The following CEP112 variants were observed in gnomAD, a reference collection of about 807,000 sequenced individuals.
The protein encoded by CEP112 is centrosomal protein 112.
A neutral mutation model predicts 153.0 loss-of-function variants in CEP112; 127 were observed. The ratio of observed to expected loss-of-function variants is 0.83; its 90% CI spans 0.72 to 0.96. The LOEUF is 0.96. Among genes scored for constraint, CEP112 ranks in the 40% least tolerant of loss-of-function variants. CEP112 has a pLI of 0.00. For missense variants in CEP112, 1,089 were observed against 1,101.2 expected, an observed-to-expected ratio of 0.99 and a Z score of 0.16; for synonymous variants, 358 against 374.4, an observed-to-expected ratio of 0.96 and a Z score of 0.51.
rs869059954 is a variant in CEP112 at position 65,821,540 on chromosome 17, ATTTTTTTTTTTTTTTTT to A, written c.2394+30247_2394+30263del. 1.1e-3 allele frequency among the ~76,000 whole-genome samples: 37 copies of A among 33,634 alleles called. 1 individual carries two copies. The highest frequency in any genetic ancestry group is 5.8e-3 in the South Asian group (4 of 688). 22.1% of individuals were successfully genotyped at this position (33,634 alleles called of 152,430 possible). ...TATATATATATATATATATATATATATTTTTTTTTTTTTTTTTTTTTTTTTTTCTGAGACGGAGTCTT... is the reference window on the plus strand; with the variant it reads ...TATATATATATATATATATATATATATTTTTTTTTTCTGAGACGGAGTCTT... On this transcript the variant is annotated intron_variant, in intron 21 of 26. Coordinates refer to ENST00000535342, the MANE Select transcript of CEP112 (RefSeq NM_001199165.4).
chr17:66,173,924 T>C (rs1413833721), intron 4 of CEP112, among the ~76,000 whole-genome samples: 1 of 152,116 alleles, frequency 6.6e-6, no homozygotes, highest in African/African-American at 2.4e-5. Context: ...CTCACTTTTA[T>C]TTATCTTTTT....
At chr17:65,736,684 C>T (rs2050822330) in intron 23 of CEP112, among the ~76,000 whole-genome samples, 1 of 152,154 alleles carries the variant, frequency 6.6e-6, no homozygotes, top group South Asian at 2.1e-4. Flanking sequence ...TTTTTAGAGG[C>T]TAGTCATGTG....
intron 25 of CEP112, among the ~76,000 whole-genome samples, chr17:65,639,710 G>A (rs1450420265): frequency 6.7e-6 from 1 of 150,084 alleles, no homozygotes; most frequent in African/African-American, 2.4e-5. Context: ...AAATCAAAGT[G>A]TATTGGAGAT....
Position 66,011,532 on chromosome 17 carries a change from C to A in CEP112, c.1657-5763G>T, listed in dbSNP as rs183767902. On this transcript the variant is annotated intron_variant, in intron 16 of 26. Transcript: ENST00000535342. ...TTCCATGTAATTATATGGCTGTCAG[C>A]GATTTTCTTAGTATTAATTTCTATT... is the stretch of plus-strand genomic sequence containing the variant. Among the ~76,000 whole-genome samples, 509 of 152,080 alleles carry A rather than the reference C, an allele frequency of 3.3e-3. 2 individuals are homozygous for A. The highest frequency in any genetic ancestry group is 0.01 in the Middle Eastern group (3 of 294).
intron 21 of CEP112, among the ~76,000 whole-genome samples, chr17:65,756,332 G>C (rs1454733136): frequency 1.3e-5 from 2 of 150,968 alleles, no homozygotes; most frequent in African/African-American, 4.9e-5. Context: ...CTGGAACCTG[G>C]GAAGTGGAGG....
intron 17 of CEP112, among the ~76,000 whole-genome samples, chr17:65,988,951 G>A (rs1021030336): frequency 3.9e-5 from 6 of 152,064 alleles, no homozygotes; most frequent in African/African-American, 7.2e-5. Flanking sequence ...AGGGCCAGAC[G>A]TGGTGGCTCA....
chr17:66,014,339 A>G lies in CEP112; in HGVS notation c.1657-8570T>C, dbSNP rs572876272. Among the ~76,000 whole-genome samples the G allele has an allele frequency of 8.5e-5, 13 of 152,266 alleles. No homozygotes were observed. In the East Asian group the frequency reaches 2.3e-3, roughly 27 times the overall value. ...ATCCTGGTTGAGCATCTGAGTCTGC[A>G]CTGTAAGCAGGCAAAGCCAGGCTAT... On this transcript the variant is annotated intron_variant, in intron 16 of 26. Coordinates refer to ENST00000535342, the MANE Select transcript of CEP112 (RefSeq NM_001199165.4).
intron 12 of CEP112, among the ~76,000 whole-genome samples, chr17:66,030,661 A>G (rs1235809016): frequency 3.9e-5 from 6 of 152,078 alleles, no homozygotes; most frequent in South Asian, 2.1e-4. Context: ...TCATTTCTCT[A>G]TTATTTAATA....
intron 17 of CEP112, among the ~76,000 whole-genome samples, chr17:65,969,992 T>TAC (rs1167449358): frequency 6.6e-6 from 1 of 152,198 alleles, no homozygotes; most frequent in Non-Finnish European, 1.5e-5. Context: ...ACACGCATGT[T>TAC]ACACACATAT....
chr17:65,724,994 CCTCCTA>C (rs934521658), intron 23 of CEP112, among the ~76,000 whole-genome samples: 32 of 152,316 alleles, frequency 2.1e-4, no homozygotes, highest in African/African-American at 7.0e-4. Context: ...CCAAATACCT[CCTCCTA>C]CTCCTTCAAG....
intron 23 of CEP112, among the ~76,000 whole-genome samples, chr17:65,734,056 G>A (rs1207190397): frequency 6.6e-6 from 1 of 152,178 alleles, no homozygotes; most frequent in Non-Finnish European, 1.5e-5. Context: ...AGACTGTGCT[G>A]TCCCAGGACC....
At position 65,927,692 on chromosome 17, in the gene CEP112, A is replaced by G. The variant is rs189061745; in HGVS notation, c.1873-3T>C. Reference sequence around the variant, plus strand: ...AGATCTGCCTCCACTTTTTCCATCTATAAAATTTAAAAATCAAATATTAAT... The same window carrying G: ...AGATCTGCCTCCACTTTTTCCATCTGTAAAATTTAAAAATCAAATATTAAT... On this transcript the variant is annotated splice_polypyrimidine_tract_variant and splice_region_variant and intron_variant, in intron 18 of 26. Transcript: ENST00000535342. 688 of 1,516,384 alleles carry G rather than the reference A, an allele frequency of 4.5e-4. 11 individuals carry two copies. In the South Asian group the frequency reaches 8.5e-3, roughly 19 times the overall value. 93.9% of individuals were successfully genotyped at this position (1,516,384 alleles called of 1,614,324 possible).
chr17:65,883,498 T>A (rs2059161483), intron 20 of CEP112, among the ~76,000 whole-genome samples: 1 of 152,054 alleles, frequency 6.6e-6, no homozygotes, highest in Non-Finnish European at 1.5e-5. Flanking sequence ...GTAGCTGGGA[T>A]TACAGGCATC....
At chr17:65,672,210 G>C (rs1313625426) in intron 24 of CEP112, among the ~76,000 whole-genome samples, 2 of 152,162 alleles carry the variant, frequency 1.3e-5, no homozygotes, top group Admixed American at 1.3e-4. Flanking sequence ...AATAAGAAAT[G>C]TACAACACAT....
chr17:65,904,893 T>C (rs2143643494), intron 19 of CEP112, among the ~76,000 whole-genome samples: 1 of 152,346 alleles, frequency 6.6e-6, no homozygotes. Flanking sequence ...GAAAACTGGC[T>C]AGCCATATGC....
At chr17:66,008,234 A>G (rs1159242017) in intron 16 of CEP112, among the ~76,000 whole-genome samples, 5 of 152,094 alleles carry the variant, frequency 3.3e-5, no homozygotes, top group Non-Finnish European at 7.3e-5. Context: ...TTCATATCAT[A>G]CATATACTTA....
intron 6 of CEP112, among the ~76,000 whole-genome samples, chr17:66,108,847 A>C (rs2068895036): frequency 6.6e-6 from 1 of 152,200 alleles, no homozygotes; most frequent in Non-Finnish European, 1.5e-5. Context: ...ACAATAGTGA[A>C]GATCTGGAAG....
chr17:65,974,199 C>A (rs2062950303), intron 17 of CEP112, among the ~76,000 whole-genome samples: 1 of 152,062 alleles, frequency 6.6e-6, no homozygotes, highest in South Asian at 2.1e-4. Flanking sequence ...ACTTCAACCC[C>A]CCAAGTGGCT....
intron 21 of CEP112, among the ~76,000 whole-genome samples, chr17:65,765,343 G>A (rs1170447600): frequency 6.6e-6 from 1 of 151,698 alleles, no homozygotes; most frequent in Admixed American, 6.6e-5. Context: ...TTCTTTGGTG[G>A]TGTCATATTT....
Sources: allele counts gnomAD v4.1 joint callset (sites outside exome capture counted in the v4.1 genomes callset), GRCh38; gene constraint gnomAD v4.1.1; transcripts MANE v1.5; gene names NCBI Gene and HGNC (gene_info 2026-07-23, HGNC 2026-07-21).